The following EFTUD2 variants were observed in gnomAD, a reference collection of about 807,000 sequenced individuals.
The protein encoded by EFTUD2 is 116 kDa U5 small nuclear ribonucleoprotein component.
In EFTUD2, 9 loss-of-function variants were observed where a neutral mutation model predicts 114.3. That is an observed-to-expected ratio of 0.08 (90% CI 0.05 to 0.14). The LOEUF (loss-of-function observed/expected upper bound fraction) is 0.14. EFTUD2 is among the 10% of genes least tolerant of loss of function. The pLI, the probability that EFTUD2 is intolerant of heterozygous loss-of-function variation, is 1.00. For synonymous variants in EFTUD2, 449 were observed against 462.3 expected, an observed-to-expected ratio of 0.97 and a Z score of 0.37; for missense variants, 765 against 1,241.2, an observed-to-expected ratio of 0.62 and a Z score of 5.76.
At chr17:44,856,577 C>A (rs1597791783) in intron 20 of EFTUD2, among the ~76,000 whole-genome samples, 2 of 151,786 alleles carry the variant, frequency 1.3e-5, no homozygotes, top group East Asian at 3.9e-4. Context: ...GTGGCTCACA[C>A]CTGTAATCCC....
rs541579599 is a variant in EFTUD2, at chr17:44,875,785, C to T, written c.869+149G>A. On this transcript the variant is annotated intron_variant, in intron 10 of 27. Transcript: ENST00000426333. ...AGATGTGTTAAAGTATGAAGTCAAC[C>T]CCTGCAGAGTCCCAGGATGTGCCTC... is the stretch of plus-strand genomic sequence containing the variant. 21 of 834,018 alleles carry T rather than the reference C, an allele frequency of 2.5e-5. No individual in the cohort carries two copies. The African/African-American group carries it at 3.4e-4, about 14-fold the overall frequency. 51.7% of individuals were successfully genotyped at this position (834,018 alleles called of 1,614,324 possible). A position where few individuals can be genotyped will look rare whatever the true frequency, so the allele number is the denominator to read the frequency against.
chr17:44,864,465 T>A (rs562499446), intron 14 of EFTUD2, among the ~76,000 whole-genome samples: 1 of 152,286 alleles, frequency 6.6e-6, no homozygotes, highest in East Asian at 1.9e-4. Flanking sequence ...TGGCCCAGGG[T>A]CATCTCATGG....
At chr17:44,865,743 T>G (rs1313759514) in intron 13 of EFTUD2, among the ~76,000 whole-genome samples, 5 of 152,214 alleles carry the variant, frequency 3.3e-5, no homozygotes, top group Admixed American at 1.3e-4. Context: ...AAGGTCTGTA[T>G]GAAAATTCCT....
chr17:44,878,793 T>C (rs940930687), intron 9 of EFTUD2, among the ~76,000 whole-genome samples: 2 of 152,158 alleles, frequency 1.3e-5, no homozygotes, highest in Non-Finnish European at 2.9e-5. Context: ...GAAAAGTCAG[T>C]TTAAAAAAAG....
chr17:44,856,258 G>A (rs55889272), intron 20 of EFTUD2, among the ~76,000 whole-genome samples: 7,352 of 152,062 alleles, frequency 0.048, 254 homozygotes, highest in Non-Finnish European at 0.079. Context: ...GCTGGGCGTG[G>A]TGGCTCATGC....
chr17:44,883,841 G>C, intron 4 of EFTUD2, 117 bp from the exon 5 acceptor site: 1 of 856,814 alleles, frequency 1.2e-6, no homozygotes, highest in Non-Finnish European at 2.0e-6. Context: ...CAACTGGAGA[G>C]TGCTCAGGCA....
At chr17:44,888,761 T>C (rs771563268) in intron 2 of EFTUD2, among the ~76,000 whole-genome samples, 121 of 152,256 alleles carry the variant, frequency 7.9e-4, no homozygotes, top group South Asian at 2.3e-3. Flanking sequence ...AGAAAGACTG[T>C]AAGAGCAGGT....
At chr17:44,898,912 G>C (rs2051454050) in intron 1 of EFTUD2, 1 of 152,170 alleles carries the variant, frequency 6.6e-6, no homozygotes, top group African/African-American at 2.4e-5. Flanking sequence ...ACTCTAACAA[G>C]GTACACAGAA....
rs1293271218 is a variant in EFTUD2 at position 44,859,899 on chromosome 17, G to A, written c.1860+6C>T. 1.9e-6 allele frequency: 3 copies of A among 1,614,064 alleles called. No individual in the cohort carries two copies. The East Asian group carries it at 6.7e-5, about 36-fold the overall frequency. On this transcript the variant is annotated splice_donor_region_variant and intron_variant, in intron 18 of 27. Transcript: ENST00000426333. ...GCTTGGCGGCTGCTGCAGGCCATGG[G>A]CATACCTTGGTGGTGAGGGATGGAT...
At chr17:44,882,183 C>T (rs1681938041) in intron 6 of EFTUD2, among the ~76,000 whole-genome samples, 1 of 152,158 alleles carries the variant, frequency 6.6e-6, no homozygotes, top group South Asian at 2.1e-4. Context: ...ATCCCCCCGG[C>T]TCAGCCTCCC....
At chr17:44,860,182 G>T in intron 17 of EFTUD2, 137 bp from the exon 18 acceptor site, 2 of 1,232,208 alleles carry the variant, frequency 1.6e-6, no homozygotes, top group Non-Finnish European at 2.3e-6. Flanking sequence ...CTGAGTGGGG[G>T]TAACCTGAAG....
At chr17:44,860,826 T>C (rs2050643492) in intron 16 of EFTUD2, among the ~76,000 whole-genome samples, 1 of 152,094 alleles carries the variant, frequency 6.6e-6, no homozygotes, top group Non-Finnish European at 1.5e-5. Flanking sequence ...CTTGAACTCC[T>C]GAGCTCAAGC....
At chr17:44,883,058 G>T (rs2051101610) in intron 6 of EFTUD2, 35 bp downstream of exon 6, 5 of 1,607,370 alleles carry the variant, frequency 3.1e-6, no homozygotes, top group East Asian at 2.2e-5. Flanking sequence ...GTTCTGAATG[G>T]TTCATCCTAA....
intron 11 of EFTUD2, among the ~76,000 whole-genome samples, chr17:44,871,488 G>A (rs1379552969): frequency 6.6e-6 from 1 of 151,874 alleles, no homozygotes; most frequent in African/African-American, 2.4e-5. Context: ...ACACGTGCCC[G>A]CCACCACGCC....
chr17:44,856,025 G>T (rs1457342292), intron 20 of EFTUD2, among the ~76,000 whole-genome samples: 1 of 150,458 alleles, frequency 6.6e-6, no homozygotes, highest in Non-Finnish European at 1.5e-5. Flanking sequence ...TACTTGGGAG[G>T]CTAACTAAGG....
rs528607188 is a variant in EFTUD2 at position 44,851,334 on chromosome 17, G to A, written c.2859C>T (p.Phe953=). ...LSEDVSISKF[F]DDPMLLELAK... Reference sequence around the variant, plus strand: ...CAAGTTCCAGCAACATAGGATCATCGAAGAATTTGCTGATGCTCACATCTT... The same window carrying A: ...CAAGTTCCAGCAACATAGGATCATCAAAGAATTTGCTGATGCTCACATCTT... Residue 953 remains phenylalanine, a synonymous_variant, in exon 28 of 28, where the codon TTC becomes TTT. Transcript: ENST00000426333. 41 of 1,614,088 alleles carry A rather than the reference G, an allele frequency of 2.5e-5. No homozygotes were observed. Among genetic ancestry groups the A allele is most frequent in the South Asian group, 2.3e-4 (21 of 91,076 alleles).
chr17:44,853,828 T>G, intron 23 of EFTUD2, 193 bp from the exon 24 acceptor site: 1 of 1,423,494 alleles, frequency 7.0e-7, no homozygotes, highest in South Asian at 1.5e-5. Flanking sequence ...TAAGCATATG[T>G]TCTTAGTGTT....
At position 44,851,570 on chromosome 17, in the gene EFTUD2, T is replaced by C. The variant is rs927781944; in HGVS notation, c.2823+140A>G. 7.0e-6 allele frequency: 7 copies of C among 996,190 alleles called. No homozygotes were observed. In the African/African-American group the frequency reaches 8.2e-5, roughly 12 times the overall value. 61.7% of individuals were successfully genotyped at this position (996,190 alleles called of 1,614,324 possible). A position where few individuals can be genotyped will look rare whatever the true frequency, so the allele number is the denominator to read the frequency against. ...CAACGAGACTGGGGCCCAGGTTTGG[T>C]TGCCTAAGGAGTATACAGATCATAT... On this transcript the variant is annotated intron_variant, in intron 27 of 27. Coordinates refer to ENST00000426333, the MANE Select transcript of EFTUD2 (RefSeq NM_004247.4).
At position 44,853,957 on chromosome 17, in the gene EFTUD2, C is replaced by A. The variant is rs2050501722; in HGVS notation, c.2347+312G>T. On this transcript the variant is annotated intron_variant, in intron 23 of 27. Coordinates refer to ENST00000426333, the MANE Select transcript of EFTUD2 (RefSeq NM_004247.4). ...AGAATTGTACATTTGGTCCATGAAG[C>A]CCAATCAGGGTCTATAAACCATTCC... 3.7e-6 allele frequency: 5 copies of A among 1,356,294 alleles called. No individual in the cohort carries two copies. The East Asian group carries it at 1.4e-4, about 38-fold the overall frequency. The allele number at this position is 1,356,294 out of a possible 1,614,324, so 84.0% of individuals were successfully genotyped here.
Sources: gnomAD v4.1 joint callset for allele counts (sites outside exome capture counted in the v4.1 genomes callset) on GRCh38, gnomAD v4.1.1 for gene constraint, MANE v1.5 for transcripts, NCBI Gene and HGNC (gene_info 2026-07-23, HGNC 2026-07-21) for gene names.